Variants in SI observed in about 807,000 individuals in gnomAD.
The protein encoded by SI is sucrase-isomaltase, intestinal.
In SI, 235 loss-of-function variants were observed where a neutral mutation model predicts 253.3. That is an observed-to-expected ratio of 0.93 (90% CI 0.83 to 1.03). The LOEUF is 1.03. Among genes scored for constraint, SI ranks in the 50% least tolerant of loss-of-function variants. SI has a pLI of 0.00. For missense variants in SI, 2,442 were observed against 2,211.1 expected (o/e 1.10, Z -2.09); for synonymous variants, 819 against 712.0 (o/e 1.15, Z -2.39).
Position 165,039,136 on chromosome 3 carries a change from T to C in SI, c.2245-2A>G. On this transcript the variant is annotated splice_acceptor_variant, in intron 19 of 47. Coordinates refer to ENST00000264382, the MANE Select transcript of SI (RefSeq NM_001041.4). LOFTEE classifies it high-confidence loss of function. Reference sequence around the variant, plus strand: ...GTAGGCACTCACAGTATCTGCTCCCTAAAATAAAGATAATATGTATTTTTT... The same window carrying C: ...GTAGGCACTCACAGTATCTGCTCCCCAAAATAAAGATAATATGTATTTTTT... The C allele has an allele frequency of 6.4e-7, 1 of 1,567,874 alleles. No homozygotes were observed. The highest frequency in any genetic ancestry group is 1.8e-4 in the Middle Eastern group (1 of 5,568).
chr3:165,090,152 A>G, the SI span, among the ~76,000 whole-genome samples: 2 of 99,790 alleles, frequency 2.0e-5, no homozygotes, highest in Non-Finnish European at 4.2e-5. Flanking sequence ...ATTTATTTAA[A>G]AAAAAAAAGA....
chr3:165,026,135 GA>G (rs1234505253), intron 25 of SI, among the ~76,000 whole-genome samples: 1 of 150,996 alleles, frequency 6.6e-6, no homozygotes, highest in African/African-American at 2.4e-5. Context: ...TAAAGGGGTA[GA>G]AAAAAACATT....
At chr3:165,059,852 G>T in intron 10 of SI, 50 bp downstream of exon 10, 3 of 1,572,388 alleles carry the variant, frequency 1.9e-6, no homozygotes, top group Non-Finnish European at 2.6e-6. Flanking sequence ...CTTATTATGT[G>T]ACAATATTTA....
intron 32 of SI, among the ~76,000 whole-genome samples, chr3:165,015,646 ATC>A (rs1270778489): frequency 6.6e-6 from 1 of 152,128 alleles, no homozygotes; most frequent in African/African-American, 2.4e-5. Context: ...AAAATAGAAA[ATC>A]TACCATTACA....
intron 15 of SI, among the ~76,000 whole-genome samples, chr3:165,048,521 G>A (rs1353568917): frequency 6.8e-6 from 1 of 146,836 alleles, no homozygotes; most frequent in African/African-American, 2.5e-5. Flanking sequence ...AAATCTAGGA[G>A]TTACAAAAAA....
chr3:165,009,737 G>A (rs1487657860), intron 34 of SI, among the ~76,000 whole-genome samples: 1 of 152,062 alleles, frequency 6.6e-6, no homozygotes, highest in Non-Finnish European at 1.5e-5. Context: ...TACCTTTGTG[G>A]AGCACAATGA....
chr3:164,983,457 G>A (rs1020909010), intron 45 of SI, among the ~76,000 whole-genome samples: 1 of 152,108 alleles, frequency 6.6e-6, no homozygotes, highest in Non-Finnish European at 1.5e-5. Context: ...AAGGAAAAAA[G>A]AACATGGTAG....
intron 37 of SI, among the ~76,000 whole-genome samples, chr3:165,001,208 C>T (rs1005698766): frequency 9.3e-5 from 14 of 151,210 alleles, no homozygotes; most frequent in East Asian, 5.8e-4. Context: ...CATGACTGGA[C>T]GGTGTTCTCA....
chr3:164,998,245 C>T (rs1718105894), intron 38 of SI, among the ~76,000 whole-genome samples: 2 of 151,630 alleles, frequency 1.3e-5, no homozygotes, highest in South Asian at 2.1e-4. Flanking sequence ...ATTCATTTCT[C>T]TCTATTAGCT....
At chr3:165,074,456 A>T in intron 3 of SI, 75 bp downstream of exon 3, 2 of 924,186 alleles carry the variant, frequency 2.2e-6, no homozygotes, top group Non-Finnish European at 3.1e-6. Context: ...AATAAGATCG[A>T]TCCAATATTC....
At chr3:165,065,503 A>G in intron 6 of SI, 71 bp from the exon 7 acceptor site, 1 of 277,324 alleles carries the variant, frequency 3.6e-6, no homozygotes. Flanking sequence ...ATGATATTCT[A>G]CCAGATACAG....
chr3:165,075,901 C>A lies in SI; in HGVS notation c.112G>T (p.Val38Phe), dbSNP rs368127415. The A allele has an allele frequency of 6.5e-7, 1 of 1,543,830 alleles. No homozygotes were observed. Among genetic ancestry groups the A allele is most frequent in the Non-Finnish European group, 8.9e-7 (1 of 1,117,348 alleles). ...IVVLATKTPA[V>F]DEISDSTSTP... ...CTTTTAATGTACTACTTACCATCAA[C>A]AGCAGGTGTCTTAGTTGCTAAAACA... The change falls in exon 2 of 48, where the codon GTT becomes TTT. Residue 38 changes from valine (V) to phenylalanine (F), a missense_variant. Coordinates refer to ENST00000264382, the MANE Select transcript of SI (RefSeq NM_001041.4).
At position 165,023,558 on chromosome 3, in the gene SI, T is replaced by G; in HGVS notation, c.3099+12A>C. 1 of 1,592,924 alleles carries G rather than the reference T, an allele frequency of 6.3e-7. No homozygotes were observed. On this transcript the variant is annotated intron_variant, in intron 26 of 47. Transcript: ENST00000264382. ...ATGAGTTAAGCTTTGGGGTAGTTTATATCAAGCATACCTTAAACTGCAACA... is the reference window on the plus strand; with the variant it reads ...ATGAGTTAAGCTTTGGGGTAGTTTAGATCAAGCATACCTTAAACTGCAACA...
At chr3:165,036,811 C>G (rs1160024238) in intron 21 of SI, among the ~76,000 whole-genome samples, 1 of 151,374 alleles carries the variant, frequency 6.6e-6, no homozygotes, top group Non-Finnish European at 1.5e-5. Context: ...TATTAAGGCT[C>G]AACTCAACCT....
upstream of SI, among the ~76,000 whole-genome samples, chr3:165,082,697 G>C (rs891572316): frequency 6.6e-5 from 10 of 151,844 alleles, no homozygotes; most frequent in Non-Finnish European, 1.2e-4. Context: ...TGCTTTCCTT[G>C]CCTTTGCTTA....
chr3:165,059,408 A>G, intron 10 of SI, 109 bp from the exon 11 acceptor site: 1 of 1,087,692 alleles, frequency 9.2e-7, no homozygotes, highest in East Asian at 2.4e-5. Context: ...CTTAAAAAAT[A>G]AATGAACGTC....
chr3:165,016,272 C>A (rs1719023538), intron 31 of SI, among the ~76,000 whole-genome samples, 192 bp from the exon 32 acceptor site: 1 of 151,854 alleles, frequency 6.6e-6, no homozygotes. Context: ...ATTCTAAGAA[C>A]AACTTTCTAT....
intron 21 of SI, 99 bp downstream of exon 21, chr3:165,037,800 TG>T: frequency 2.4e-6 from 2 of 839,112 alleles, no homozygotes; most frequent in South Asian, 2.9e-5. Flanking sequence ...AAATATCTTC[TG>T]GTGCAGAAAC....
intron 45 of SI, among the ~76,000 whole-genome samples, 196 bp downstream of exon 45, chr3:164,986,942 G>A (rs1385888842): frequency 6.6e-6 from 1 of 152,094 alleles, no homozygotes; most frequent in Non-Finnish European, 1.5e-5. Context: ...ACTATATTTA[G>A]GATAAGAGAA....
Sources: gnomAD v4.1 joint callset for allele counts (sites outside exome capture counted in the v4.1 genomes callset) on GRCh38, gnomAD v4.1.1 for gene constraint, MANE v1.5 for transcripts, NCBI Gene and HGNC (gene_info 2026-07-23, HGNC 2026-07-21) for gene names.